The following CDIN1 variants were observed in gnomAD, a reference collection of about 807,000 sequenced individuals.
CDIN1 encodes CDAN1-interacting nuclease 1.
CDIN1 carries 33 observed loss-of-function variants against 45.3 expected under a neutral mutation model. The observed-to-expected ratio is 0.73, with a 90% confidence interval of 0.55 to 0.97. The LOEUF (loss-of-function observed/expected upper bound fraction) is 0.97. Among genes scored for constraint, CDIN1 ranks in the 50% least tolerant of loss-of-function variants. The pLI, the probability that CDIN1 is intolerant of heterozygous loss-of-function variation, is 0.00. For missense variants in CDIN1, 303 were observed against 339.4 expected (o/e 0.89, Z 0.84); for synonymous variants, 118 against 124.4 (o/e 0.95, Z 0.34).
At chr15:36,710,939 A>G (rs1036275206) in intron 10 of CDIN1, among the ~76,000 whole-genome samples, 8 of 152,124 alleles carry the variant, frequency 5.3e-5, no homozygotes, top group South Asian at 2.1e-4. Context: ...ACTTTTTGCC[A>G]TGGTAACAAT....
rs138967855 is a variant in CDIN1, at chr15:36,728,601, A to C, written c.716+18640A>C. Among the ~76,000 whole-genome samples the C allele has an allele frequency of 6.7e-3, 1,017 of 151,716 alleles. 20 individuals carry two copies. The highest frequency in any genetic ancestry group is 4.1e-3 in the Non-Finnish European group (279 of 67,886). On this transcript the variant is annotated intron_variant, in intron 10 of 10. Coordinates refer to ENST00000566621, the MANE Select transcript of CDIN1 (RefSeq NM_001321759.2). ...CGCTTATTTTTGGTCTCTCTCATCC[A>C]AAATGGTAATGAATGCTAAAATTAC...
intron 5 of CDIN1, among the ~76,000 whole-genome samples, chr15:36,686,835 A>T (rs1357297246): frequency 1.0e-5 from 1 of 98,692 alleles, no homozygotes; most frequent in African/African-American, 4.0e-5. Context: ...GTAGTCAGGG[A>T]GGGAGAGAGG....
At chr15:36,723,119 A>G (rs1333698436) in intron 10 of CDIN1, among the ~76,000 whole-genome samples, 1 of 152,138 alleles carries the variant, frequency 6.6e-6, no homozygotes, top group Non-Finnish European at 1.5e-5. Context: ...TTTCTCACAC[A>G]GGATTGTACT....
chr15:36,787,092 G>T (rs55715301), intron 10 of CDIN1, among the ~76,000 whole-genome samples: 9,201 of 152,184 alleles, frequency 0.06, 337 homozygotes, highest in Non-Finnish European at 0.083. Flanking sequence ...TGTGTCATCA[G>T]ATTCAATCTT....
chr15:36,599,726 C>T (rs1159706444), intron 1 of CDIN1, among the ~76,000 whole-genome samples: 2 of 152,082 alleles, frequency 1.3e-5, no homozygotes, highest in Non-Finnish European at 1.5e-5. Context: ...AAGAAGAAGG[C>T]ATAAGAAAGG....
chr15:36,684,725 G>A (rs2041978422), intron 5 of CDIN1, among the ~76,000 whole-genome samples: 1 of 152,144 alleles, frequency 6.6e-6, no homozygotes, highest in African/African-American at 2.4e-5. Context: ...GTTTTTGGTT[G>A]GTAAGCTATT....
At chr15:36,783,106 A>G (rs2054394482) in intron 10 of CDIN1, among the ~76,000 whole-genome samples, 1 of 152,216 alleles carries the variant, frequency 6.6e-6, no homozygotes, top group Admixed American at 6.5e-5. Flanking sequence ...ACCTGTCAGC[A>G]GCTGCATACA....
chr15:36,585,232 T>C (rs1331247890), intron 1 of CDIN1, among the ~76,000 whole-genome samples: 1 of 152,228 alleles, frequency 6.6e-6, no homozygotes, highest in Non-Finnish European at 1.5e-5. Context: ...TCTCTTAATG[T>C]TAACATTACC....
intron 3 of CDIN1, among the ~76,000 whole-genome samples, chr15:36,650,590 G>A (rs1289454186): frequency 2.0e-5 from 3 of 151,702 alleles, no homozygotes; most frequent in East Asian, 2.0e-4. Flanking sequence ...CTACAGGCAC[G>A]CGCCACCATG....
At chr15:36,741,063 A>T (rs1313637258) in intron 10 of CDIN1, among the ~76,000 whole-genome samples, 1 of 152,158 alleles carries the variant, frequency 6.6e-6, no homozygotes, top group Non-Finnish European at 1.5e-5. Flanking sequence ...CAACATCCCA[A>T]GTAGCTGAGA....
chr15:36,789,368 A>G (rs2054587114), intron 10 of CDIN1, among the ~76,000 whole-genome samples: 1 of 152,232 alleles, frequency 6.6e-6, no homozygotes, highest in African/African-American at 2.4e-5. Context: ...AAACATTTTA[A>G]ATAAAGTTTA....
intron 10 of CDIN1, among the ~76,000 whole-genome samples, chr15:36,777,672 C>T (rs1279846223): frequency 3.9e-5 from 6 of 152,048 alleles, no homozygotes; most frequent in Non-Finnish European, 5.9e-5. Flanking sequence ...GGGCAGTGGC[C>T]CAGTCTCGTC....
chr15:36,787,034 C>T (rs2054509737), intron 10 of CDIN1, among the ~76,000 whole-genome samples: 2 of 152,214 alleles, frequency 1.3e-5, no homozygotes, highest in African/African-American at 4.8e-5. Flanking sequence ...TCTCCTTACT[C>T]CTCCAACAGT....
intron 5 of CDIN1, among the ~76,000 whole-genome samples, chr15:36,675,901 C>T (rs1392537497): frequency 1.3e-5 from 2 of 152,206 alleles, no homozygotes; most frequent in South Asian, 2.1e-4. Flanking sequence ...TGAAGCTGAC[C>T]TGTACCTCGC....
intron 10 of CDIN1, among the ~76,000 whole-genome samples, chr15:36,757,999 A>G (rs1156297822): frequency 6.6e-6 from 1 of 152,130 alleles, no homozygotes; most frequent in South Asian, 2.1e-4. Context: ...TGCCTAATTT[A>G]TAAATTAAAC....
chr15:36,579,813 C>T lies in CDIN1; in HGVS notation c.-48C>T, dbSNP rs1253053966. 20 of 1,491,530 alleles carry T rather than the reference C, an allele frequency of 1.3e-5. No homozygotes were observed. Among genetic ancestry groups the T allele is most frequent in the South Asian group, 3.6e-5 (3 of 83,664 alleles). 92.4% of individuals were successfully genotyped at this position (1,491,530 alleles called of 1,614,324 possible). A position where few individuals can be genotyped will look rare whatever the true frequency, so the allele number is the denominator to read the frequency against. ...CTCGGCACCAAGGCTACTTGAGCCC[C>T]AGGGTGTTTTTTCCTTGTTCCCGCC... On this transcript the variant is annotated 5_prime_UTR_variant, in exon 1 of 11. Coordinates refer to ENST00000566621, the MANE Select transcript of CDIN1 (RefSeq NM_001321759.2).
chr15:36,703,892 T>C (rs2042768589), intron 8 of CDIN1, among the ~76,000 whole-genome samples: 1 of 152,156 alleles, frequency 6.6e-6, no homozygotes. Context: ...AGTCAATCTT[T>C]CCTCTGAATC....
In CDIN1 at chr15:36,797,888, G is replaced by C. The variant is rs1046537113; in HGVS notation, c.717-10436G>C. On this transcript the variant is annotated intron_variant, in intron 10 of 10. Transcript: ENST00000566621. The stretch of plus-strand genomic sequence containing the variant: ...CCAGCTCCTCAGGAGACTGAGGCAG[G>C]AGAATCATTTGAACCTGGGAGGCGG... Among the ~76,000 whole-genome samples the C allele has an allele frequency of 7.3e-5, 11 of 150,924 alleles. 1 individual carries two copies. Among genetic ancestry groups the C allele is most frequent in the Non-Finnish European group, 1.3e-4 (9 of 67,904 alleles).
chr15:36,657,801 T>C (rs2040840656), intron 4 of CDIN1, 32 bp from the exon 5 acceptor site: 18 of 1,566,774 alleles, frequency 1.1e-5, no homozygotes, highest in Non-Finnish European at 1.6e-5. Context: ...CACAACTTGA[T>C]AGTTTTAATT....
Sources: allele counts gnomAD v4.1 joint callset (sites outside exome capture counted in the v4.1 genomes callset), GRCh38; gene constraint gnomAD v4.1.1; transcripts MANE v1.5; gene names NCBI Gene and HGNC (gene_info 2026-07-23, HGNC 2026-07-21).